CEBPZOS: variants seen among roughly 807,000 people sequenced by gnomAD.
CEBPZOS encodes protein CEBPZOS.
CEBPZOS carries 10 observed loss-of-function variants against 4.8 expected under a neutral mutation model. That is an observed-to-expected ratio of 2.07 (90% confidence interval 1.28 to 3.52). The LOEUF (loss-of-function observed/expected upper bound fraction) is 3.52. Ranked by LOEUF, CEBPZOS falls within the 30% of genes most tolerant of loss-of-function variation. The pLI, the probability that CEBPZOS is intolerant of heterozygous loss-of-function variation, is 0.00. For missense variants in CEBPZOS, 98 were observed against 43.6 expected (o/e 2.25, Z -3.51); for synonymous variants, 25 against 14.2 (o/e 1.77, Z -1.72).
intron 4 of CEBPZOS, chr2:37,212,157 G>T: frequency 9.8e-7 from 1 of 1,019,108 alleles, no homozygotes; most frequent in Non-Finnish European, 1.4e-6. Flanking sequence ...TTTGCAGACT[G>T]CTCAGAGTAA....
downstream of CEBPZOS, among the ~76,000 whole-genome samples, chr2:37,206,834 T>C (rs1252500013): frequency 6.6e-6 from 1 of 152,230 alleles, no homozygotes; most frequent in Non-Finnish European, 1.5e-5. Flanking sequence ...CTACGTTGGA[T>C]GTAAATGGCC....
downstream of CEBPZOS, chr2:37,216,164 T>A (rs1447390162): frequency 6.2e-7 from 1 of 1,612,876 alleles, no homozygotes; most frequent in Admixed American, 1.7e-5. Context: ...ATATCCTTAA[T>A]AAAATGTTTT....
downstream of CEBPZOS, among the ~76,000 whole-genome samples, chr2:37,208,689 C>T (rs1462688700): frequency 1.3e-5 from 2 of 152,096 alleles, no homozygotes; most frequent in Admixed American, 6.5e-5. Flanking sequence ...CAACATTATA[C>T]TGAACAGGGA....
chr2:37,199,620 G>T (rs779144793), intron 1 of CEBPZOS, 84 bp from the exon 2 acceptor site: 4 of 663,618 alleles, frequency 6.0e-6, no homozygotes, highest in Non-Finnish European at 8.4e-6. Context: ...CAAACTGTGG[G>T]AATGAATTTG....
chr2:37,204,851 A>G (rs568255673), downstream of CEBPZOS: 1 of 152,260 alleles, frequency 6.6e-6, no homozygotes. Flanking sequence ...CTTCTGAAAC[A>G]GTACTTTACT....
At chr2:37,207,233 TAGACGGGTCATCA>T (rs953782726), downstream of CEBPZOS, among the ~76,000 whole-genome samples, 1 of 152,214 alleles carries the variant, frequency 6.6e-6, no homozygotes, top group African/African-American at 2.4e-5. Flanking sequence ...CTGACAGCCC[TAGACGGGTCATCA>T]AGACAGAAAG....
chr2:37,213,824 G>C, downstream of CEBPZOS: 1 of 1,332,578 alleles, frequency 7.5e-7, no homozygotes, highest in Non-Finnish European at 1.1e-6. Flanking sequence ...TTAACACATA[G>C]TAGTAGATTA....
At chr2:37,206,875 C>A (rs1229116695), downstream of CEBPZOS, among the ~76,000 whole-genome samples, 1 of 152,080 alleles carries the variant, frequency 6.6e-6, no homozygotes, top group East Asian at 1.9e-4. Context: ...TACATTTGGA[C>A]CACCAACCAA....
Position 37,201,501 on chromosome 2 carries a change from A to G in CEBPZOS, c.161-141A>G, listed in dbSNP as rs1677230268. On this transcript the variant is annotated intron_variant, in intron 3 of 4. Transcript: ENST00000402297. ...AATGATCAGAGATGCCAGGACTTAT[A>G]TGTGAAGTCTGTAATCCTACTGTCC... 3 of 594,480 alleles carry G rather than the reference A, an allele frequency of 5.0e-6. No individual in the cohort carries two copies. The East Asian group carries it at 8.6e-5, about 17-fold the overall frequency. The allele number at this position is 594,480 out of a possible 1,614,324, so 36.8% of individuals were successfully genotyped here.
chr2:37,216,178 T>C (rs768971993), downstream of CEBPZOS: 8 of 1,613,294 alleles, frequency 5.0e-6, no homozygotes, highest in Non-Finnish European at 6.8e-6. Flanking sequence ...ATGTTTTCTT[T>C]TCGGCTGCAT....
At chr2:37,201,125 A>C (rs1677209317) in intron 3 of CEBPZOS, 33 bp downstream of exon 3, 1 of 706,878 alleles carries the variant, frequency 1.4e-6, no homozygotes, top group Non-Finnish European at 2.6e-6. Context: ...ATAAGTATAA[A>C]ACAACTTCTT....
chr2:37,204,009 T>C lies in CEBPZOS; in HGVS notation c.*2149T>C, dbSNP rs1390782238. 1 of 152,250 alleles carries C rather than the reference T, an allele frequency of 6.6e-6. No homozygotes were observed. The highest frequency in any genetic ancestry group is 1.9e-4 in the East Asian group (1 of 5,206). The allele number at this position is 152,250 out of a possible 1,614,324, so 9.4% of individuals were successfully genotyped here. On this transcript the variant is annotated 3_prime_UTR_variant, in exon 5 of 5. Transcript: ENST00000402297. ...GTGAACAATCATGTACAAGTCTTTG[T>C]ATCAGAGCCACTTTTGATAAAATAG...
chr2:37,212,600 A>G (rs1054493567), intron 4 of CEBPZOS: 23 of 544,040 alleles, frequency 4.2e-5, no homozygotes, highest in African/African-American at 4.2e-4. Flanking sequence ...AAAACTAAAG[A>G]AGGATCCAGT....
chr2:37,198,393 TA>T (rs1677052562), intron 1 of CEBPZOS: 1 of 152,152 alleles, frequency 6.6e-6, no homozygotes, highest in Admixed American at 6.5e-5. Flanking sequence ...ATCACATTAT[TA>T]AAATGAGGGA....
chr2:37,211,663 AAC>A (rs1355377949), intron 4 of CEBPZOS: 2 of 529,422 alleles, frequency 3.8e-6, no homozygotes, highest in South Asian at 3.3e-5. Flanking sequence ...AAACACACAT[AAC>A]ACACAATAAA....
chr2:37,206,983 A>G (rs1375386273), downstream of CEBPZOS, among the ~76,000 whole-genome samples: 1 of 152,220 alleles, frequency 6.6e-6, no homozygotes, highest in Non-Finnish European at 1.5e-5. Context: ...ATGGAAACCA[A>G]AAGCAAGCAG....
At chr2:37,206,502 G>T (rs1210598050), downstream of CEBPZOS, among the ~76,000 whole-genome samples, 1 of 152,080 alleles carries the variant, frequency 6.6e-6, no homozygotes, top group African/African-American at 2.4e-5. Context: ...GGATTATAGG[G>T]GCTTACCAAC....
In CEBPZOS at chr2:37,199,684, A is replaced by G. The variant is rs1041899169; in HGVS notation, c.-1-20A>G. 1.8e-5 allele frequency: 13 copies of G among 714,782 alleles called. No individual in the cohort carries two copies. Among genetic ancestry groups the G allele is most frequent in the African/African-American group, 7.0e-5 (4 of 57,054 alleles). The allele number at this position is 714,782 out of a possible 1,614,324, so 44.3% of individuals were successfully genotyped here. A position where few individuals can be genotyped will look rare whatever the true frequency, so the allele number is the denominator to read the frequency against. On this transcript the variant is annotated intron_variant, in intron 1 of 4. Coordinates refer to ENST00000402297, the MANE Select transcript of CEBPZOS (RefSeq NM_001322374.2). ...TAAGTATGTTCATTCAGGTTTACAC[A>G]TATCTGTTGTTAAATTTAGGATGGC...
intron 4 of CEBPZOS, chr2:37,211,751 G>A (rs1216855360): frequency 1.1e-6 from 1 of 886,910 alleles, no homozygotes; most frequent in Non-Finnish European, 1.7e-6. Flanking sequence ...TTTGAATACA[G>A]GGCTATATTA....
Sources: gnomAD v4.1 joint callset for allele counts (sites outside exome capture counted in the v4.1 genomes callset) on GRCh38, gnomAD v4.1.1 for gene constraint, MANE v1.5 for transcripts, NCBI Gene and HGNC (gene_info 2026-07-23, HGNC 2026-07-21) for gene names.